STXBP5: variants seen among roughly 807,000 people sequenced by gnomAD.
STXBP5 encodes syntaxin binding protein 5, also known as syntaxin-binding protein 5.
Under a neutral mutation model 152.4 loss-of-function variants are expected in STXBP5, and 50 were observed. The ratio of observed to expected loss-of-function variants is 0.33; its 90% CI spans 0.26 to 0.42. The LOEUF (loss-of-function observed/expected upper bound fraction) is 0.42. Ranked by LOEUF, STXBP5 falls within the 10% of genes least tolerant of loss-of-function variation. STXBP5 has a pLI of 1.00. For missense variants in STXBP5, 1,167 were observed against 1,388.6 expected (o/e 0.84, Z 2.54); for synonymous variants, 492 against 494.7 (o/e 0.99, Z 0.07).
At chr6:147,381,035 G>T (rs1192523436) in intron 26 of STXBP5, among the ~76,000 whole-genome samples, 1 of 152,118 alleles carries the variant, frequency 6.6e-6, no homozygotes, top group Non-Finnish European at 1.5e-5. Flanking sequence ...GAGAGCATGT[G>T]CAGGGGAACT....
Position 147,204,801 on chromosome 6 carries a change from ACT to A in STXBP5, c.150+122_150+123del, listed in dbSNP as rs903065711. 3.5e-6 allele frequency: 4 copies of A among 1,133,276 alleles called. No individual in the cohort carries two copies. Among genetic ancestry groups the A allele is most frequent in the South Asian group, 1.9e-5 (1 of 51,680 alleles). The allele number at this position is 1,133,276 out of a possible 1,614,324, so 70.2% of individuals were successfully genotyped here. A position where few individuals can be genotyped will look rare whatever the true frequency, so the allele number is the denominator to read the frequency against. On this transcript the variant is annotated intron_variant, in intron 1 of 27. Coordinates refer to ENST00000321680, the MANE Select transcript of STXBP5 (RefSeq NM_001127715.4). The surrounding 1 kb of genome is among the most constrained non-coding windows in gnomAD (Gnocchi z 4.3). ...GAGAACGCCAATAATAATAATAATA[ACT>A]CTAATAAAAGGCTCGCTCCTCCCTT...
At chr6:147,240,932 C>T (rs924985263) in intron 4 of STXBP5, among the ~76,000 whole-genome samples, 1 of 152,090 alleles carries the variant, frequency 6.6e-6, no homozygotes. Context: ...ACTTTTTTGA[C>T]ATAGTAGGTA....
At chr6:147,312,779 A>C (rs1385326468) in intron 11 of STXBP5, among the ~76,000 whole-genome samples, 1 of 152,140 alleles carries the variant, frequency 6.6e-6, no homozygotes, top group African/African-American at 2.4e-5. Context: ...ATAACAAGAT[A>C]ATTTGAAAAT....
intron 7 of STXBP5, among the ~76,000 whole-genome samples, chr6:147,272,426 A>G (rs1780218769): frequency 6.6e-6 from 1 of 152,212 alleles, no homozygotes; most frequent in African/African-American, 2.4e-5. Flanking sequence ...ATAAATTCTA[A>G]CTTCTAAATT....
At chr6:147,331,242 C>T (rs1225496796) in intron 18 of STXBP5, among the ~76,000 whole-genome samples, 4 of 152,142 alleles carry the variant, frequency 2.6e-5, no homozygotes, top group African/African-American at 4.8e-5. Context: ...GTAGCTATTG[C>T]ATTTGATGGC....
intron 8 of STXBP5, among the ~76,000 whole-genome samples, chr6:147,283,560 C>G (rs1406245795): frequency 1.3e-5 from 2 of 152,156 alleles, no homozygotes; most frequent in Non-Finnish European, 2.9e-5. Flanking sequence ...TGAGCACTTA[C>G]ACACGAGGAT....
intron 21 of STXBP5, among the ~76,000 whole-genome samples, chr6:147,343,274 C>T (rs1436005567): frequency 6.6e-6 from 1 of 152,092 alleles, no homozygotes; most frequent in Non-Finnish European, 1.5e-5. Flanking sequence ...ACTTACTTAG[C>T]AAAAACTGGA....
intron 7 of STXBP5, among the ~76,000 whole-genome samples, chr6:147,269,056 G>C (rs1780027192): frequency 6.6e-6 from 1 of 152,166 alleles, no homozygotes; most frequent in Admixed American, 6.5e-5. Flanking sequence ...CTTAGAAAGA[G>C]AGTTGTAGAA....
chr6:147,239,355 T>C (rs1372033007), intron 4 of STXBP5, 85 bp downstream of exon 4: 2 of 1,140,862 alleles, frequency 1.8e-6, no homozygotes, highest in Admixed American at 4.0e-5. Flanking sequence ...TTGTGTGTGA[T>C]GGACCTTATG....
At chr6:147,366,636 A>T (rs1049498117) in intron 25 of STXBP5, among the ~76,000 whole-genome samples, 4 of 152,168 alleles carry the variant, frequency 2.6e-5, no homozygotes, top group Non-Finnish European at 5.9e-5. Context: ...TCTCTTTCTT[A>T]AAAAGACACT....
At chr6:147,327,064 T>G in intron 17 of STXBP5, 61 bp from the exon 18 acceptor site, 9 of 1,483,344 alleles carry the variant, frequency 6.1e-6, no homozygotes, top group Non-Finnish European at 8.3e-6. Context: ...TTATAGACTG[T>G]AGTACATTTT....
At chr6:147,365,885 A>T (rs73588331) in intron 25 of STXBP5, among the ~76,000 whole-genome samples, 2 of 152,330 alleles carry the variant, frequency 1.3e-5, no homozygotes, top group Middle Eastern at 6.8e-3. Context: ...AGATGGAATA[A>T]TAGGAACCAG....
rs1189087560 is a variant in STXBP5, at chr6:147,313,887, T to C, written c.1149T>C (p.Tyr383=). The change falls in exon 12 of 28, where the codon TAT becomes TAC. Residue 383 remains tyrosine (Y), a synonymous_variant. Coordinates refer to ENST00000321680, the MANE Select transcript of STXBP5 (RefSeq NM_001127715.4). ...LVLIDLAQNG[Y]PIFENPYPLS... ...TTTTCTTTTTCTGTTGTTAAAGATA[T>C]CCTATATTTGAAAATCCCTACCCTT... is the stretch of plus-strand genomic sequence containing the variant. 6 of 1,526,656 alleles carry C rather than the reference T, an allele frequency of 3.9e-6. No homozygotes were observed. Among genetic ancestry groups the C allele is most frequent in the African/African-American group, 1.4e-5 (1 of 73,554 alleles). The allele number at this position is 1,526,656 out of a possible 1,614,324, so 94.6% of individuals were successfully genotyped here.
chr6:147,246,647 C>A (rs555930111), intron 4 of STXBP5, among the ~76,000 whole-genome samples: 1 of 151,890 alleles, frequency 6.6e-6, no homozygotes, highest in Non-Finnish European at 1.5e-5. Context: ...TTCTATATGA[C>A]TTTTATTATT....
At chr6:147,249,244 CA>C (rs1332654454) in intron 4 of STXBP5, among the ~76,000 whole-genome samples, 1 of 150,428 alleles carries the variant, frequency 6.6e-6, no homozygotes, top group African/African-American at 2.4e-5. Context: ...TACCTTGTTA[CA>C]AAATCAGTAA....
intron 2 of STXBP5, among the ~76,000 whole-genome samples, chr6:147,233,915 G>C (rs1336184671): frequency 6.7e-6 from 1 of 150,046 alleles, no homozygotes; most frequent in African/African-American, 2.4e-5. Flanking sequence ...AATAATTCTA[G>C]GTGTTTAAAG....
intron 9 of STXBP5, among the ~76,000 whole-genome samples, chr6:147,294,173 T>G (rs1390791810): frequency 3.3e-5 from 5 of 152,136 alleles, no homozygotes; most frequent in Admixed American, 2.0e-4. Flanking sequence ...TGAAGTTGTT[T>G]CTTTGAGAAA....
At chr6:147,362,631 G>A in intron 23 of STXBP5, among the ~76,000 whole-genome samples, 1 of 151,666 alleles carries the variant, frequency 6.6e-6, no homozygotes, top group East Asian at 1.9e-4. Context: ...TTTTTTCATT[G>A]GCCATCTAGA....
chr6:147,293,025 G>C (rs1178060198), intron 9 of STXBP5: 1 of 152,062 alleles, frequency 6.6e-6, no homozygotes, highest in African/African-American at 2.4e-5. Context: ...GTACTTTACT[G>C]TACCTTTTCT....
Sources: gnomAD v4.1 joint callset for allele counts (sites outside exome capture counted in the v4.1 genomes callset) on GRCh38, gnomAD v4.1.1 for gene constraint, Gnocchi (gnomAD v3.1) non-coding constraint, MANE v1.5 for transcripts, NCBI Gene and HGNC (gene_info 2026-07-23, HGNC 2026-07-21) for gene names.